The following PCDH15 variants were observed in gnomAD, a reference collection of about 807,000 sequenced individuals.
PCDH15 encodes protocadherin-15.
Under a neutral mutation model 178.5 loss-of-function variants are expected in PCDH15, and 129 were observed. The observed-to-expected ratio is 0.72, with a 90% CI of 0.63 to 0.84. The LOEUF (loss-of-function observed/expected upper bound fraction) is 0.84. Among genes scored for constraint, PCDH15 ranks in the 40% least tolerant of loss-of-function variants. The pLI, the probability that PCDH15 is intolerant of heterozygous loss-of-function variation, is 0.00. For synonymous variants in PCDH15, 800 were observed against 732.0 expected, an observed-to-expected ratio of 1.09 and a Z score of -1.50; for missense variants, 2,230 against 2,099.9, an observed-to-expected ratio of 1.06 and a Z score of -1.21.
At chr10:54,296,195 A>T (rs1258516176) in intron 8 of PCDH15, among the ~76,000 whole-genome samples, 1 of 150,884 alleles carries the variant, frequency 6.6e-6, no homozygotes, top group Non-Finnish European at 1.5e-5. Context: ...ACTGGAATAA[A>T]AACACGGGTG....
chr10:55,589,529 C>T (rs1240896830), intron 2 of PCDH15, among the ~76,000 whole-genome samples: 1 of 151,778 alleles, frequency 6.6e-6, no homozygotes, highest in African/African-American at 2.4e-5. Flanking sequence ...AACAGGCAAC[C>T]TACACAATGG....
intron 8 of PCDH15, among the ~76,000 whole-genome samples, chr10:54,303,938 G>A (rs1014985034): frequency 2.6e-5 from 4 of 152,194 alleles, no homozygotes; most frequent in African/African-American, 9.6e-5. Flanking sequence ...TCTCCTGTGT[G>A]AAAATGTCAC....
chr10:55,164,065 C>T (rs1234100049), intron 2 of PCDH15, among the ~76,000 whole-genome samples: 9 of 152,142 alleles, frequency 5.9e-5, no homozygotes. Flanking sequence ...GACCAGAGGC[C>T]TTCCTGTTGT....
At chr10:55,242,644 C>A (rs1841579470) in intron 1 of PCDH15, among the ~76,000 whole-genome samples, 1 of 151,876 alleles carries the variant, frequency 6.6e-6, no homozygotes, top group African/African-American at 2.4e-5. Context: ...GAGTTCAAGA[C>A]CAGCTAGGGC....
At position 54,106,511 on chromosome 10, in the gene PCDH15, A is replaced by G. The variant is rs975733552; in HGVS notation, c.1918-16448T>C. Among the ~76,000 whole-genome samples, 9 of 152,342 alleles carry G rather than the reference A, an allele frequency of 5.9e-5. No individual in the cohort carries two copies. In the East Asian group the frequency reaches 1.2e-3, roughly 20 times the overall value. On this transcript the variant is annotated intron_variant, in intron 15 of 37. Transcript: ENST00000644397. ...GGAAATGTTAACATAGGTGGATCCTATAGGAGTGAGTCTGGTCTTTATAAA... is the reference window on the plus strand; with the variant it reads ...GGAAATGTTAACATAGGTGGATCCTGTAGGAGTGAGTCTGGTCTTTATAAA...
chr10:55,334,244 G>GATATATATA (rs1844305779), intron 2 of PCDH15, among the ~76,000 whole-genome samples: 1 of 72,956 alleles, frequency 1.4e-5, no homozygotes, highest in Non-Finnish European at 2.3e-5. Flanking sequence ...ATATATATAT[G>GATATATATA]TGTGTGTGTG....
intron 7 of PCDH15, among the ~76,000 whole-genome samples, chr10:54,327,492 A>G (rs1305978235): frequency 6.7e-6 from 1 of 150,300 alleles, no homozygotes; most frequent in Non-Finnish European, 1.5e-5. Flanking sequence ...CTGAAGAAAT[A>G]TAAATAAAAG....
intron 6 of PCDH15, among the ~76,000 whole-genome samples, chr10:54,338,837 G>A (rs1313527643): frequency 1.3e-5 from 2 of 151,300 alleles, no homozygotes; most frequent in Non-Finnish European, 2.9e-5. Flanking sequence ...TTAAAATGCT[G>A]AATAAACATG....
upstream of PCDH15, among the ~76,000 whole-genome samples, chr10:55,323,722 G>A (rs951716577): frequency 2.0e-5 from 3 of 152,162 alleles, no homozygotes; most frequent in African/African-American, 7.2e-5. Flanking sequence ...GATTTTACAG[G>A]CTCATAGGCA....
chr10:54,318,640 A>G (rs886280926), intron 7 of PCDH15, among the ~76,000 whole-genome samples: 12 of 152,266 alleles, frequency 7.9e-5, no homozygotes, highest in African/African-American at 2.6e-4. Context: ...TTTGGCTGTG[A>G]CAAGTTCTCA....
chr10:54,099,517 T>C (rs1339411987), intron 15 of PCDH15, among the ~76,000 whole-genome samples: 1 of 65,102 alleles, frequency 1.5e-5, no homozygotes, highest in African/African-American at 5.7e-5. Flanking sequence ...AAAAAAAATA[T>C]ATATATATAT....
At chr10:55,592,481 T>C (rs1025221698) in intron 2 of PCDH15, among the ~76,000 whole-genome samples, 8 of 152,300 alleles carry the variant, frequency 5.3e-5, no homozygotes, top group East Asian at 1.9e-4. Context: ...CTATGGATTT[T>C]AGTAAATTAT....
intron 2 of PCDH15, among the ~76,000 whole-genome samples, chr10:55,038,192 A>G (rs938633199): frequency 1.3e-5 from 2 of 152,200 alleles, no homozygotes; most frequent in Admixed American, 6.5e-5. Context: ...AGAGCAAAAA[A>G]ATAACTAAAC....
At chr10:55,622,479 A>T (rs1321459054) in intron 2 of PCDH15, among the ~76,000 whole-genome samples, 2 of 151,976 alleles carry the variant, frequency 1.3e-5, no homozygotes, top group East Asian at 3.9e-4. Flanking sequence ...ATTTCTAATG[A>T]TTTGTTCATC....
intron 2 of PCDH15, among the ~76,000 whole-genome samples, chr10:54,913,964 T>C (rs1954861629): frequency 1.3e-5 from 2 of 152,210 alleles, no homozygotes; most frequent in Middle Eastern, 3.2e-3. Context: ...TTTTTGATTA[T>C]ACAGGCTCAC....
intron 2 of PCDH15, among the ~76,000 whole-genome samples, chr10:54,638,015 A>G (rs1305898133): frequency 6.6e-6 from 1 of 152,026 alleles, no homozygotes; most frequent in African/African-American, 2.4e-5. Flanking sequence ...ATTCCTTCAG[A>G]TAACAGATGA....
At chr10:54,295,081 C>G (rs185736667) in intron 8 of PCDH15, among the ~76,000 whole-genome samples, 12 of 152,242 alleles carry the variant, frequency 7.9e-5, no homozygotes, top group Admixed American at 3.3e-4. Context: ...AATACAAATT[C>G]TTAGGCCACA....
intron 2 of PCDH15, among the ~76,000 whole-genome samples, chr10:55,569,511 A>G (rs898596181): frequency 1.3e-5 from 2 of 151,984 alleles, no homozygotes; most frequent in Non-Finnish European, 2.9e-5. Context: ...CAATCAAAAC[A>G]AACAGAAATT....
At chr10:55,607,941 G>C (rs1487551626) in intron 2 of PCDH15, among the ~76,000 whole-genome samples, 1 of 151,396 alleles carries the variant, frequency 6.6e-6, no homozygotes, top group Non-Finnish European at 1.5e-5. Flanking sequence ...GAGAGAGAGA[G>C]AAAGAGAGAG....
Sources: allele counts gnomAD v4.1 joint callset (sites outside exome capture counted in the v4.1 genomes callset), GRCh38; gene constraint gnomAD v4.1.1; transcripts MANE v1.5; gene names NCBI Gene and HGNC (gene_info 2026-07-23, HGNC 2026-07-21).